The following ZNF385D variants were observed in gnomAD, a reference collection of about 807,000 sequenced individuals.
ZNF385D encodes the protein zinc finger protein 659.
ZNF385D carries 15 observed loss-of-function variants against 35.8 expected under a neutral mutation model. The ratio of observed to expected loss-of-function variants is 0.42; its 90% CI spans 0.28 to 0.64. The LOEUF (loss-of-function observed/expected upper bound fraction) is 0.64. ZNF385D is among the 30% of genes least tolerant of loss of function. The pLI, the probability that ZNF385D is intolerant of heterozygous loss-of-function variation, is 0.23. For synonymous variants in ZNF385D, 212 were observed against 186.8 expected (o/e 1.13, Z -1.10); for missense variants, 474 against 494.6 (o/e 0.96, Z 0.39).
At chr3:22,072,945 T>G (rs200557113) in intron 3 of ZNF385D, among the ~76,000 whole-genome samples, 1 of 151,978 alleles carries the variant, frequency 6.6e-6, no homozygotes, top group Non-Finnish European at 1.5e-5. Flanking sequence ...CCTGAGCACA[T>G]AGAGAAGGGA....
intron 3 of ZNF385D, among the ~76,000 whole-genome samples, chr3:21,953,174 A>T (rs1702139691): frequency 6.6e-6 from 1 of 151,908 alleles, no homozygotes; most frequent in African/African-American, 2.4e-5. Flanking sequence ...TGTTTAATTA[A>T]ATCTAATAAA....
At chr3:22,198,445 G>T (rs1195526485) in intron 2 of ZNF385D, among the ~76,000 whole-genome samples, 1 of 151,988 alleles carries the variant, frequency 6.6e-6, no homozygotes, top group Non-Finnish European at 1.5e-5. Context: ...TTTTACACAT[G>T]GGAAATAATT....
chr3:22,151,636 C>A (rs1178331654), intron 3 of ZNF385D, among the ~76,000 whole-genome samples: 1 of 152,112 alleles, frequency 6.6e-6, no homozygotes, highest in Non-Finnish European at 1.5e-5. Flanking sequence ...CTATTAAGGA[C>A]TTCAACTGAT....
chr3:21,480,390 A>C (rs531761488), intron 4 of ZNF385D, among the ~76,000 whole-genome samples: 1 of 152,108 alleles, frequency 6.6e-6, no homozygotes, highest in Non-Finnish European at 1.5e-5. Flanking sequence ...GGTGTGAGCC[A>C]CCGTGCCCAG....
intron 3 of ZNF385D, among the ~76,000 whole-genome samples, chr3:21,848,777 A>G (rs566364878): frequency 2.0e-4 from 31 of 152,194 alleles, no homozygotes; most frequent in South Asian, 1.2e-3. Context: ...CCAGGACCAT[A>G]TGGCTTCACT....
At chr3:21,753,574 C>G (rs1247720658), upstream of ZNF385D, among the ~76,000 whole-genome samples, 2 of 152,046 alleles carry the variant, frequency 1.3e-5, no homozygotes, top group Non-Finnish European at 2.9e-5. Flanking sequence ...GGAAGATGCC[C>G]TTTTAAATTA....
intron 2 of ZNF385D, among the ~76,000 whole-genome samples, chr3:21,657,638 G>A (rs976673400): frequency 2.6e-5 from 4 of 151,852 alleles, no homozygotes; most frequent in Admixed American, 6.6e-5. Flanking sequence ...TATTTACGAC[G>A]GCATTTTTCA....
chr3:22,187,153 G>T (rs763820543), intron 2 of ZNF385D, among the ~76,000 whole-genome samples: 1 of 152,032 alleles, frequency 6.6e-6, no homozygotes, highest in South Asian at 2.1e-4. Context: ...CAAAAATTTC[G>T]TGGCCATTCT....
intron 3 of ZNF385D, among the ~76,000 whole-genome samples, chr3:22,061,569 C>T (rs1370254159): frequency 1.3e-5 from 2 of 152,186 alleles, no homozygotes; most frequent in Non-Finnish European, 2.9e-5. Flanking sequence ...TTCCTATGGT[C>T]TCCAAGACTC....
chr3:22,029,507 A>G (rs565804675), intron 3 of ZNF385D, among the ~76,000 whole-genome samples: 1 of 152,348 alleles, frequency 6.6e-6, no homozygotes, highest in East Asian at 1.9e-4. Flanking sequence ...AATAGTAGAT[A>G]AAAGGTAATC....
At chr3:22,050,676 G>A (rs892645227) in intron 3 of ZNF385D, among the ~76,000 whole-genome samples, 11 of 152,240 alleles carry the variant, frequency 7.2e-5, no homozygotes, top group African/African-American at 2.4e-4. Context: ...TTTACCAGAT[G>A]AACTCAGCAG....
chr3:21,883,354 A>T lies in ZNF385D; in HGVS notation c.326-218326T>A, dbSNP rs191212586. The stretch of plus-strand genomic sequence containing the variant: ...AATTTCTTTCCCCTCAAAAAATAAA[A>T]ATAAAACTAAATGATTTTTCTAACC... On this transcript the variant is annotated intron_variant, in intron 3 of 5. Transcript: ENST00000494108. Among the ~76,000 whole-genome samples the T allele has an allele frequency of 1.3e-4, 20 of 152,160 alleles. No homozygotes were observed. The East Asian group carries it at 3.3e-3, about 25-fold the overall frequency.
At chr3:21,593,030 A>G (rs1360940636) in intron 2 of ZNF385D, among the ~76,000 whole-genome samples, 2 of 152,194 alleles carry the variant, frequency 1.3e-5, no homozygotes, top group East Asian at 3.9e-4. Flanking sequence ...GCGTGACCTC[A>G]GAGTATCCTC....
At chr3:21,850,555 T>G (rs1696318572) in intron 3 of ZNF385D, among the ~76,000 whole-genome samples, 1 of 152,124 alleles carries the variant, frequency 6.6e-6, no homozygotes, top group South Asian at 2.1e-4. Context: ...CCTTGAGCAT[T>G]TGGCTGAATG....
At chr3:21,993,331 T>C (rs533242493) in intron 3 of ZNF385D, among the ~76,000 whole-genome samples, 1 of 152,326 alleles carries the variant, frequency 6.6e-6, no homozygotes, top group Admixed American at 6.5e-5. Context: ...AAGTTTCTTA[T>C]CTTCTCTGAT....
intron 3 of ZNF385D, among the ~76,000 whole-genome samples, chr3:21,918,206 T>C (rs1047620265): frequency 2.7e-5 from 1 of 36,922 alleles, no homozygotes; most frequent in Admixed American, 2.1e-4. Flanking sequence ...AAAATGAAAA[T>C]CTGCGTGCTA....
intron 3 of ZNF385D, among the ~76,000 whole-genome samples, chr3:21,898,152 A>C (rs1699228495): frequency 6.6e-6 from 1 of 152,166 alleles, no homozygotes. Flanking sequence ...TTTGAGGCCA[A>C]TTTATTTTAA....
intron 2 of ZNF385D, among the ~76,000 whole-genome samples, chr3:21,662,936 C>G (rs1042907746): frequency 1.3e-5 from 2 of 152,172 alleles, no homozygotes; most frequent in East Asian, 3.9e-4. Context: ...ACCCACACAA[C>G]CCTTACCACA....
intron 3 of ZNF385D, among the ~76,000 whole-genome samples, chr3:22,062,104 C>T (rs1262708362): frequency 2.0e-5 from 3 of 152,152 alleles, no homozygotes; most frequent in African/African-American, 7.2e-5. Context: ...GTGGCATAAT[C>T]ATGCCTCCCT....
Sources: allele counts gnomAD v4.1 joint callset (sites outside exome capture counted in the v4.1 genomes callset), GRCh38; gene constraint gnomAD v4.1.1; transcripts MANE v1.5; gene names NCBI Gene and HGNC (gene_info 2026-07-23, HGNC 2026-07-21).